Variants in CDH9 observed in about 807,000 individuals in gnomAD.
The protein encoded by CDH9 is cadherin 9.
CDH9 carries 28 observed loss-of-function variants against 70.9 expected under a neutral mutation model. The ratio of observed to expected loss-of-function variants is 0.40; its 90% CI spans 0.29 to 0.54. The LOEUF (loss-of-function observed/expected upper bound fraction) is 0.54, where lower values mean the gene tolerates loss of function less well. CDH9 is among the 20% of genes least tolerant of loss of function. CDH9 has a pLI of 0.59. For synonymous variants in CDH9, 409 were observed against 343.1 expected (o/e 1.19, Z -2.12); for missense variants, 874 against 984.4 (o/e 0.89, Z 1.50).
At chr5:26,903,189 T>C (rs1304639072) in intron 6 of CDH9, 2 of 268,972 alleles carry the variant, frequency 7.4e-6, no homozygotes, top group African/African-American at 4.7e-5. Flanking sequence ...TATTGAGCTC[T>C]ATTATTAGAT....
chr5:26,895,491 T>G (rs949939638), intron 7 of CDH9, among the ~76,000 whole-genome samples: 2 of 152,044 alleles, frequency 1.3e-5, no homozygotes, highest in African/African-American at 4.8e-5. Context: ...CCAGAAAGTT[T>G]GTTTTGTTAC....
chr5:26,884,452 C>T (rs1295745887), intron 11 of CDH9, among the ~76,000 whole-genome samples: 1 of 152,058 alleles, frequency 6.6e-6, no homozygotes, highest in Non-Finnish European at 1.5e-5. Flanking sequence ...AAGGCTAAGC[C>T]AAATTTTTAT....
At chr5:26,892,506 A>G (rs930358621) in intron 7 of CDH9, among the ~76,000 whole-genome samples, 1 of 152,206 alleles carries the variant, frequency 6.6e-6, no homozygotes, top group Non-Finnish European at 1.5e-5. Flanking sequence ...ATGCAAGACA[A>G]TTAACAGGCT....
chr5:26,905,359 C>T (rs969164759), intron 5 of CDH9, among the ~76,000 whole-genome samples: 5 of 152,058 alleles, frequency 3.3e-5, no homozygotes, highest in African/African-American at 1.2e-4. Context: ...TACTACCAAA[C>T]TTGAATACGT....
rs558710934 is a variant in CDH9 at position 26,944,920 on chromosome 5, A to G, written c.229-28996T>C. On this transcript the variant is annotated intron_variant, in intron 2 of 11. Coordinates refer to ENST00000231021, the MANE Select transcript of CDH9 (RefSeq NM_016279.4). ...ATTATATGAGAATAAAGCTAAAATTATAATAAAACTTAAATCTTTGATATA... is the reference window on the plus strand; with the variant it reads ...ATTATATGAGAATAAAGCTAAAATTGTAATAAAACTTAAATCTTTGATATA... 6.6e-5 allele frequency among the ~76,000 whole-genome samples: 10 copies of G among 151,842 alleles called. No individual in the cohort carries two copies. The East Asian group carries it at 2.0e-3, about 30-fold the overall frequency.
At chr5:26,951,291 C>CAA (rs796799417) in intron 2 of CDH9, among the ~76,000 whole-genome samples, 5,113 of 86,124 alleles carry the variant, frequency 0.059, 1,399 homozygotes, top group Middle Eastern at 0.1. Flanking sequence ...GACTCTGTCT[C>CAA]AAAAAAAAAA....
At chr5:26,926,994 A>T (rs10065161) in intron 2 of CDH9, among the ~76,000 whole-genome samples, 2 of 149,974 alleles carry the variant, frequency 1.3e-5, no homozygotes, top group Admixed American at 1.3e-4. Context: ...ATATTGACAC[A>T]AAAATCCTCA....
In CDH9 at chr5:26,915,766, C is replaced by T. The variant is rs760586873; in HGVS notation, c.387G>A (p.Lys129=). 1.2e-6 allele frequency: 2 copies of T among 1,613,626 alleles called. No individual in the cohort carries two copies. The highest frequency in any genetic ancestry group is 2.7e-5 in the African/African-American group (2 of 75,004). ...GCCGCCCAGTTTTTCTGTCTATAGCCTTGGCACGAAGAATGTACAGAGATT... is the reference window on the plus strand; with the variant it reads ...GCCGCCCAGTTTTTCTGTCTATAGCTTTGGCACGAAGAATGTACAGAGATT... ...EEKSLYILRA[K]AIDRKTGRQV... Residue 129 remains lysine (K), a synonymous_variant, in exon 3 of 12, where the codon AAG becomes AAA. Transcript: ENST00000231021.
At chr5:26,947,206 C>G (rs907105136) in intron 2 of CDH9, among the ~76,000 whole-genome samples, 1 of 152,138 alleles carries the variant, frequency 6.6e-6, no homozygotes, top group African/African-American at 2.4e-5. Context: ...CAATATACCA[C>G]TCCTAAGCTT....
chr5:26,926,928 C>CCCCCA (rs1457862225), intron 2 of CDH9, among the ~76,000 whole-genome samples: 1 of 128,254 alleles, frequency 7.8e-6, no homozygotes. Context: ...CCCCCCCCCG[C>CCCCCA]AAAAAAAAAA....
intron 2 of CDH9, among the ~76,000 whole-genome samples, chr5:26,945,513 C>T (rs898069582): frequency 6.6e-6 from 1 of 151,988 alleles, no homozygotes; most frequent in Non-Finnish European, 1.5e-5. Context: ...GGTAATGTTG[C>T]TAATGAATTG....
At chr5:26,971,671 G>A (rs1210348492) in intron 2 of CDH9, among the ~76,000 whole-genome samples, 3 of 152,168 alleles carry the variant, frequency 2.0e-5, no homozygotes, top group African/African-American at 4.8e-5. Flanking sequence ...CTGTGCATGT[G>A]TGTGTATACA....
intron 1 of CDH9, among the ~76,000 whole-genome samples, chr5:27,021,168 T>A (rs998353721): frequency 1.3e-4 from 20 of 151,892 alleles, no homozygotes; most frequent in African/African-American, 4.8e-4. Context: ...ATCTGGGCCA[T>A]CCAAAAGAGG....
intron 2 of CDH9, among the ~76,000 whole-genome samples, chr5:26,951,250 A>G (rs7706188): frequency 0.059 from 7,199 of 122,520 alleles, 639 homozygotes; most frequent in African/African-American, 0.2. Flanking sequence ...TGGAGATCCC[A>G]CCATTGCAGT....
chr5:27,011,021 C>T (rs1007442785), intron 1 of CDH9, among the ~76,000 whole-genome samples: 9 of 152,034 alleles, frequency 5.9e-5, no homozygotes, highest in African/African-American at 2.2e-4. Context: ...GGCCCTTAAG[C>T]TTTCCACAGG....
At chr5:26,931,658 T>C (rs1047640334) in intron 2 of CDH9, among the ~76,000 whole-genome samples, 1 of 152,110 alleles carries the variant, frequency 6.6e-6, no homozygotes. Flanking sequence ...ATCATGAAAA[T>C]GTCCAGAATA....
At chr5:27,017,918 G>GT (rs34168195) in intron 1 of CDH9, among the ~76,000 whole-genome samples, 2,892 of 151,408 alleles carry the variant, frequency 0.019, 99 homozygotes, top group African/African-American at 0.065. Context: ...AGTATACATT[G>GT]TTTTTTTATT....
chr5:27,010,215 G>C (rs1274520829), intron 1 of CDH9, among the ~76,000 whole-genome samples: 1 of 152,026 alleles, frequency 6.6e-6, no homozygotes, highest in Non-Finnish European at 1.5e-5. Context: ...TCTTTGAACA[G>C]CACTTATATC....
rs776003720 is a variant in CDH9 at position 26,915,916 on chromosome 5, A to G, written c.237T>C (p.Thr79=). ...AATTTCCATCTCCTTTATCTTGGTC[A>G]GTGTGAAGCTTTAGAGAGGTAGAAA... ...TDTQYVGKLH[T]DQDKGDGNLK... is the part of the protein sequence containing the mutation. The change falls in exon 3 of 12, where the codon ACT becomes ACC. Residue 79 remains threonine, a synonymous_variant. Coordinates refer to ENST00000231021, the MANE Select transcript of CDH9 (RefSeq NM_016279.4). 1 of 1,601,368 alleles carries G rather than the reference A, an allele frequency of 6.2e-7. No homozygotes were observed. The highest frequency in any genetic ancestry group is 8.5e-7 in the Non-Finnish European group (1 of 1,171,906).
Sources: allele counts gnomAD v4.1 joint callset (sites outside exome capture counted in the v4.1 genomes callset), GRCh38; gene constraint gnomAD v4.1.1; transcripts MANE v1.5; gene names NCBI Gene and HGNC (gene_info 2026-07-23, HGNC 2026-07-21).